The following FLRT2 variants were observed in gnomAD, a reference collection of about 807,000 sequenced individuals.
The protein encoded by FLRT2 is fibronectin leucine rich transmembrane protein 2, also known as leucine-rich repeat transmembrane protein FLRT2.
FLRT2 carries 15 observed loss-of-function variants against 40.0 expected under a neutral mutation model. That is an observed-to-expected ratio of 0.38 (90% CI 0.25 to 0.58). The LOEUF is 0.58. Ranked by LOEUF, FLRT2 falls within the 20% of genes least tolerant of loss-of-function variation. FLRT2 has a pLI of 0.71. For missense variants in FLRT2, 726 were observed against 840.0 expected (o/e 0.86, Z 1.68); for synonymous variants, 380 against 336.8 (o/e 1.13, Z -1.41).
At chr14:85,573,171 C>G (rs1763006274) in intron 1 of FLRT2, among the ~76,000 whole-genome samples, 1 of 151,932 alleles carries the variant, frequency 6.6e-6, no homozygotes, top group South Asian at 2.1e-4. Flanking sequence ...GGATGGGTGG[C>G]AAGTTATTTT....
rs1037942152 is a variant in FLRT2, at chr14:85,643,850, C to T, written c.*20353C>T. The T allele has an allele frequency of 7.2e-5, 11 of 152,150 alleles. No homozygotes were observed. Among genetic ancestry groups the T allele is most frequent in the Non-Finnish European group, 1.3e-4 (9 of 68,040 alleles). 9.4% of individuals were successfully genotyped at this position (152,150 alleles called of 1,614,324 possible). Reference sequence around the variant, plus strand: ...CAGAGAACAAACGACAACATTTAGTCCAGTTGCAGCAGAGTGGTTGTGGTT... The same window carrying T: ...CAGAGAACAAACGACAACATTTAGTTCAGTTGCAGCAGAGTGGTTGTGGTT... On this transcript the variant is annotated 3_prime_UTR_variant, in exon 2 of 2. Coordinates refer to ENST00000330753, the MANE Select transcript of FLRT2 (RefSeq NM_013231.6).
rs113652315 is a variant in FLRT2, at chr14:85,637,151, A to G, written c.*13654A>G. On this transcript the variant is annotated 3_prime_UTR_variant, in exon 2 of 2. Coordinates refer to ENST00000330753, the MANE Select transcript of FLRT2 (RefSeq NM_013231.6). The stretch of plus-strand genomic sequence containing the variant: ...CTTTTCTGGCATGGGTACAAATGTA[A>G]CTAATCAAGTGTAATTTATAAACTA... 11 of 152,270 alleles carry G rather than the reference A, an allele frequency of 7.2e-5. 1 individual carries two copies. The highest frequency in any genetic ancestry group is 2.4e-4 in the African/African-American group (10 of 41,552). 9.4% of individuals were successfully genotyped at this position (152,270 alleles called of 1,614,324 possible).
At chr14:85,556,280 A>T (rs1477956098) in intron 1 of FLRT2, among the ~76,000 whole-genome samples, 1 of 152,198 alleles carries the variant, frequency 6.6e-6, no homozygotes, top group African/African-American at 2.4e-5. Flanking sequence ...CATTGGTAGG[A>T]GATTTCTTTT....
chr14:85,642,443 A>C lies in FLRT2; in HGVS notation c.*18946A>C, dbSNP rs991060529. 4 of 152,160 alleles carry C rather than the reference A, an allele frequency of 2.6e-5. No homozygotes were observed. The highest frequency in any genetic ancestry group is 9.7e-5 in the African/African-American group (4 of 41,438). 9.4% of individuals were successfully genotyped at this position (152,160 alleles called of 1,614,324 possible). Reference sequence around the variant, plus strand: ...ACTTACCTGAGGTAACTAATGTAAAATAGCTTGTTCTGATCACCTCACTGC... The same window carrying C: ...ACTTACCTGAGGTAACTAATGTAAACTAGCTTGTTCTGATCACCTCACTGC... On this transcript the variant is annotated 3_prime_UTR_variant, in exon 2 of 2. Transcript: ENST00000330753.
At chr14:85,541,898 A>G (rs1020086986) in intron 1 of FLRT2, among the ~76,000 whole-genome samples, 1 of 152,152 alleles carries the variant, frequency 6.6e-6, no homozygotes, top group Non-Finnish European at 1.5e-5. Flanking sequence ...CTAGACTATG[A>G]CACTGAGCTC....
intron 1 of FLRT2, among the ~76,000 whole-genome samples, chr14:85,590,875 G>A (rs531168562): frequency 1.3e-5 from 2 of 152,268 alleles, no homozygotes; most frequent in East Asian, 3.9e-4. Flanking sequence ...TGGGATTACA[G>A]GCTTGAGCCA....
rs1346690866 is a variant in FLRT2, at chr14:85,530,168, C to T, written c.-743C>T. The stretch of plus-strand genomic sequence containing the variant: ...TAGTTGTACGTTCGAAACCTGTCGC[C>T]GTCACTTGCGCGTTTGGCATTATCC... On this transcript the variant is annotated 5_prime_UTR_variant, in exon 1 of 2. Coordinates refer to ENST00000330753, the MANE Select transcript of FLRT2 (RefSeq NM_013231.6). 1 of 152,700 alleles carries T rather than the reference C, an allele frequency of 6.5e-6. No individual in the cohort carries two copies. The highest frequency in any genetic ancestry group is 1.5e-5 in the Non-Finnish European group (1 of 68,096). 9.5% of individuals were successfully genotyped at this position (152,700 alleles called of 1,614,324 possible). A position where few individuals can be genotyped will look rare whatever the true frequency, so the allele number is the denominator to read the frequency against.
chr14:85,559,426 A>T (rs1487818356), intron 1 of FLRT2: 3 of 152,212 alleles, frequency 2.0e-5, no homozygotes, highest in African/African-American at 7.2e-5. Flanking sequence ...GTAAGTAACC[A>T]CTTTGGGACT....
rs1347528433 is a variant in FLRT2 at position 85,647,685 on chromosome 14, G to C, written c.*24188G>C. 3.3e-5 allele frequency: 5 copies of C among 152,236 alleles called. No homozygotes were observed. Among genetic ancestry groups the C allele is most frequent in the Middle Eastern group, 3.4e-3 (1 of 294 alleles). The allele number at this position is 152,236 out of a possible 1,614,324, so 9.4% of individuals were successfully genotyped here. A position where few individuals can be genotyped will look rare whatever the true frequency, so the allele number is the denominator to read the frequency against. On this transcript the variant is annotated 3_prime_UTR_variant, in exon 2 of 2. Coordinates refer to ENST00000330753, the MANE Select transcript of FLRT2 (RefSeq NM_013231.6). ...TTTTCCTACAAAGAGATGTATGTAT[G>C]GGACCCAGGGAATTTTACAGAAACA...
At chr14:85,605,469 G>A (rs1892563113) in intron 1 of FLRT2, among the ~76,000 whole-genome samples, 1 of 152,120 alleles carries the variant, frequency 6.6e-6, no homozygotes, top group South Asian at 2.1e-4. Context: ...AAATCATAAA[G>A]ATATTTAATA....
intron 1 of FLRT2, among the ~76,000 whole-genome samples, chr14:85,544,646 G>A (rs1180150273): frequency 6.6e-6 from 1 of 152,144 alleles, no homozygotes; most frequent in Non-Finnish European, 1.5e-5. Context: ...TAGTCTTCAT[G>A]ATTTGCACAT....
chr14:85,606,238 C>T (rs73321542), intron 1 of FLRT2, among the ~76,000 whole-genome samples: 1,904 of 152,168 alleles, frequency 0.013, 38 homozygotes, highest in African/African-American at 0.044. Flanking sequence ...TTGTAGCAAC[C>T]GCTAACACTC....
intron 1 of FLRT2, among the ~76,000 whole-genome samples, chr14:85,610,606 C>T (rs1892815890): frequency 6.6e-6 from 1 of 152,194 alleles, no homozygotes; most frequent in South Asian, 2.1e-4. Flanking sequence ...TCTTTCAGTT[C>T]CTGCCAGAGC....
rs1038342667 is a variant in FLRT2 at position 85,649,285 on chromosome 14, T to G, written c.*25788T>G. On this transcript the variant is annotated 3_prime_UTR_variant, in exon 2 of 2. Coordinates refer to ENST00000330753, the MANE Select transcript of FLRT2 (RefSeq NM_013231.6). Reference sequence around the variant, plus strand: ...ATCACTTGACTCAAATTTTGATGATTTAATAGCTCATTGAAAGAACTAGCC... The same window carrying G: ...ATCACTTGACTCAAATTTTGATGATGTAATAGCTCATTGAAAGAACTAGCC... 5 of 152,164 alleles carry G rather than the reference T, an allele frequency of 3.3e-5. No homozygotes were observed. The highest frequency in any genetic ancestry group is 5.9e-5 in the Non-Finnish European group (4 of 68,014). 9.4% of individuals were successfully genotyped at this position (152,164 alleles called of 1,614,324 possible). A position where few individuals can be genotyped will look rare whatever the true frequency, so the allele number is the denominator to read the frequency against.
intron 1 of FLRT2, among the ~76,000 whole-genome samples, chr14:85,619,084 C>CTT (rs11305956): frequency 2.2e-4 from 30 of 134,306 alleles, no homozygotes; most frequent in South Asian, 4.9e-4. Flanking sequence ...TAATGCTTGA[C>CTT]TTTTTTTTTT....
chr14:85,588,331 A>G (rs1891725232), intron 1 of FLRT2, among the ~76,000 whole-genome samples: 1 of 152,042 alleles, frequency 6.6e-6, no homozygotes, highest in African/African-American at 2.4e-5. Flanking sequence ...CTTTGCTTGA[A>G]TTGTCTCTCG....
In FLRT2 at chr14:85,646,567, A is replaced by G. The variant is rs1173557987; in HGVS notation, c.*23070A>G. On this transcript the variant is annotated 3_prime_UTR_variant, in exon 2 of 2. Transcript: ENST00000330753. The stretch of plus-strand genomic sequence containing the variant: ...ACTTGAATCTTGAGTTCAGAATCAG[A>G]TATTCTTCCTCCTTGGCCTCTTCTG... 6.6e-6 allele frequency: 1 copy of G among 152,116 alleles called. No individual in the cohort carries two copies. The highest frequency in any genetic ancestry group is 1.5e-5 in the Non-Finnish European group (1 of 68,034). The allele number at this position is 152,116 out of a possible 1,614,324, so 9.4% of individuals were successfully genotyped here. A position where few individuals can be genotyped will look rare whatever the true frequency, so the allele number is the denominator to read the frequency against.
In FLRT2 at chr14:85,650,225, A is replaced by C. The variant is rs2139410019; in HGVS notation, c.*26728A>C. The C allele has an allele frequency of 6.6e-6, 1 of 151,936 alleles. No homozygotes were observed. Among genetic ancestry groups the C allele is most frequent in the Non-Finnish European group, 1.5e-5 (1 of 67,900 alleles). The allele number at this position is 151,936 out of a possible 1,614,324, so 9.4% of individuals were successfully genotyped here. On this transcript the variant is annotated 3_prime_UTR_variant, in exon 2 of 2. Coordinates refer to ENST00000330753, the MANE Select transcript of FLRT2 (RefSeq NM_013231.6). ...TTTCAAACTCTATGAATCATTCTAC[A>C]TTTTGCTATTTTGTGTTCAATATCC...
Position 85,631,588 on chromosome 14 carries a change from T to G in FLRT2, c.*8091T>G, listed in dbSNP as rs1329791738. 2.0e-5 allele frequency: 3 copies of G among 152,142 alleles called. No homozygotes were observed. The highest frequency in any genetic ancestry group is 4.4e-5 in the Non-Finnish European group (3 of 68,032). 9.4% of individuals were successfully genotyped at this position (152,142 alleles called of 1,614,324 possible). A position where few individuals can be genotyped will look rare whatever the true frequency, so the allele number is the denominator to read the frequency against. On this transcript the variant is annotated 3_prime_UTR_variant, in exon 2 of 2. Transcript: ENST00000330753. The stretch of plus-strand genomic sequence containing the variant: ...CAGAAAGAGCTGTGGAGTTCTGACT[T>G]GTGCAAAATTAGCCTTGCTCAAAGA...
Sources: gnomAD v4.1 joint callset for allele counts (sites outside exome capture counted in the v4.1 genomes callset) on GRCh38, gnomAD v4.1.1 for gene constraint, MANE v1.5 for transcripts, NCBI Gene and HGNC (gene_info 2026-07-23, HGNC 2026-07-21) for gene names.